CAPN9: variants seen among roughly 807,000 people sequenced by gnomAD.
CAPN9 encodes the protein calpain-9.
A neutral mutation model predicts 92.8 loss-of-function variants in CAPN9; 81 were observed. The observed-to-expected ratio is 0.87, with a 90% CI of 0.73 to 1.05. The LOEUF (loss-of-function observed/expected upper bound fraction) is 1.05. Among genes scored for constraint, CAPN9 ranks in the 50% least tolerant of loss-of-function variants. CAPN9 has a pLI of 0.00. For missense variants in CAPN9, 848 were observed against 866.2 expected (o/e 0.98, Z 0.26); for synonymous variants, 304 against 328.0 (o/e 0.93, Z 0.79).
intron 4 of CAPN9, among the ~76,000 whole-genome samples, chr1:230,763,225 C>G (rs982470476): frequency 1.3e-5 from 2 of 152,096 alleles, no homozygotes; most frequent in Non-Finnish European, 2.9e-5. Flanking sequence ...TATGACATAT[C>G]GATAAATAAT....
At chr1:230,781,032 AT>A (rs577951761) in intron 11 of CAPN9, among the ~76,000 whole-genome samples, 19 of 151,394 alleles carry the variant, frequency 1.3e-4, no homozygotes, top group African/African-American at 4.4e-4. Context: ...CACCTGGCTA[AT>A]TTTTTTTGTA....
At chr1:230,801,525 A>T in intron 19 of CAPN9, 45 bp from the exon 20 acceptor site, 1 of 1,601,564 alleles carries the variant, frequency 6.2e-7, no homozygotes, top group Non-Finnish European at 8.6e-7. Flanking sequence ...GCTGGAAGGG[A>T]CATGGAAGGA....
Position 230,779,024 on chromosome 1 carries a change from C to T in CAPN9, c.1005C>T (p.Asn335=). Residue 335 remains asparagine (N), a synonymous_variant, in exon 9 of 20, where the codon AAC becomes AAT. Coordinates refer to ENST00000271971, the MANE Select transcript of CAPN9 (RefSeq NM_006615.3). ...ACTTTGATAAAGTGGAGATCTGCAACCTCACTCCCGATGCCCTGGAGGAAG... is the reference window on the plus strand; with the variant it reads ...ACTTTGATAAAGTGGAGATCTGCAATCTCACTCCCGATGCCCTGGAGGAAG... The part of the protein sequence containing the change: ...KAHFDKVEIC[N]LTPDALEEDA... The T allele has an allele frequency of 1.2e-6, 2 of 1,613,022 alleles. No individual in the cohort carries two copies.
rs967896567 is a variant in CAPN9 at position 230,762,688 on chromosome 1, C to G, written c.438C>G (p.Ile146Met). The part of the protein sequence containing the change: ...WQHSEWLDVV[I>M]DDRLPTFRDR... Reference sequence around the variant, plus strand: ...ACAGTGAGTGGCTGGACGTGGTGATCGATGACCGCCTGCCCACCTTCAGGG... The same window carrying G: ...ACAGTGAGTGGCTGGACGTGGTGATGGATGACCGCCTGCCCACCTTCAGGG... The change falls in exon 4 of 20, where the codon ATC (isoleucine) becomes ATG (methionine). Residue 146 changes from isoleucine to methionine, a missense_variant. Transcript: ENST00000271971. 1 of 1,614,108 alleles carries G rather than the reference C, an allele frequency of 6.2e-7. No individual in the cohort carries two copies.
intron 1 of CAPN9, among the ~76,000 whole-genome samples, chr1:230,752,472 A>C (rs1031595918): frequency 2.8e-4 from 43 of 152,220 alleles, no homozygotes; most frequent in Non-Finnish European, 5.3e-4. Flanking sequence ...CTGGTTTAAA[A>C]CAAAAACAAA....
chr1:230,762,775 A>C lies in CAPN9; in HGVS notation c.525A>C (p.Lys175Asn). Reference sequence around the variant, plus strand: ...AGTTCTGGAGCGCCTTGCTGGAAAAAGCCTACGCCAAGTGAGTGACAGCTT... The same window carrying C: ...AGTTCTGGAGCGCCTTGCTGGAAAACGCCTACGCCAAGTGAGTGACAGCTT... ...HNEFWSALLE[K>N]AYAKLNGSYE... Residue 175 changes from lysine (K) to asparagine (N), a missense_variant, in exon 4 of 20, where the codon AAA becomes AAC. By Grantham distance (94) the Lys-to-Asn change is moderately conservative. Transcript: ENST00000271971. The C allele has an allele frequency of 1.9e-6, 3 of 1,613,884 alleles. No individual in the cohort carries two copies. Among genetic ancestry groups the C allele is most frequent in the Non-Finnish European group, 2.5e-6 (3 of 1,179,892 alleles).
intron 8 of CAPN9, among the ~76,000 whole-genome samples, chr1:230,775,633 A>G (rs1666704957): frequency 6.6e-6 from 1 of 152,032 alleles, no homozygotes; most frequent in East Asian, 1.9e-4. Flanking sequence ...TTTAAAATAC[A>G]ACAGCAGGGC....
In CAPN9 at chr1:230,767,527, T is replaced by C; in HGVS notation, c.537-14T>C. The C allele has an allele frequency of 6.3e-7, 1 of 1,599,074 alleles. No individual in the cohort carries two copies. Among genetic ancestry groups the C allele is most frequent in the Non-Finnish European group, 8.5e-7 (1 of 1,173,634 alleles). ...GTCCCTGACTCTCTCCTCTCTCTCTTGCCACCCTTGCAGGCTAAATGGGAG... is the reference window on the plus strand; with the variant it reads ...GTCCCTGACTCTCTCCTCTCTCTCTCGCCACCCTTGCAGGCTAAATGGGAG... On this transcript the variant is annotated splice_polypyrimidine_tract_variant and intron_variant, in intron 4 of 19. Coordinates refer to ENST00000271971, the MANE Select transcript of CAPN9 (RefSeq NM_006615.3).
Position 230,772,076 on chromosome 1 carries a change from G to A in CAPN9, c.852G>A (p.Glu284=), listed in dbSNP as rs1371878305. The A allele has an allele frequency of 1.9e-6, 3 of 1,614,136 alleles. No homozygotes were observed. In the African/African-American group the frequency reaches 4.0e-5, roughly 22 times the overall value. ...TCCGGAACCCTTGGGGCCAGGTTGA[G>A]TGGAACGGGTCGTGGAGCGACAGGT... The part of the protein sequence containing the change: ...IRIRNPWGQV[E]WNGSWSDSSP... The change falls in exon 7 of 20, where the codon GAG becomes GAA. Residue 284 remains glutamate (E), a synonymous_variant. Transcript: ENST00000271971.
intron 3 of CAPN9, among the ~76,000 whole-genome samples, chr1:230,760,927 A>T (rs567117944): frequency 6.6e-6 from 1 of 152,226 alleles, no homozygotes. Context: ...TTGGGCTCCC[A>T]AAAGGAACAG....
At chr1:230,761,400 C>T (rs1162270413) in intron 3 of CAPN9, among the ~76,000 whole-genome samples, 1 of 152,176 alleles carries the variant, frequency 6.6e-6, no homozygotes, top group Non-Finnish European at 1.5e-5. Flanking sequence ...CTCCTCCCCA[C>T]TGCTCCCCTG....
chr1:230,795,808 C>A (rs1210803005), intron 18 of CAPN9, among the ~76,000 whole-genome samples: 2 of 152,110 alleles, frequency 1.3e-5, no homozygotes, highest in Non-Finnish European at 2.9e-5. Flanking sequence ...ATGTCCAGGG[C>A]CTGTAACTCA....
rs199650002 is a variant in CAPN9, at chr1:230,755,433, G to A, written c.283+27G>A. On this transcript the variant is annotated intron_variant, in intron 2 of 19. Coordinates refer to ENST00000271971, the MANE Select transcript of CAPN9 (RefSeq NM_006615.3). Reference sequence around the variant, plus strand: ...TGAGTGTAAGTGGATGGAGCATGGCGAGAGGGAGGTTGAGTCACTGGGACA... The same window carrying A: ...TGAGTGTAAGTGGATGGAGCATGGCAAGAGGGAGGTTGAGTCACTGGGACA... 7.4e-4 allele frequency: 1,167 copies of A among 1,568,456 alleles called. 2 individuals carry two copies. Among genetic ancestry groups the A allele is most frequent in the Non-Finnish European group, 7.6e-4 (875 of 1,152,044 alleles).
At chr1:230,762,359 G>T (rs974971814) in intron 3 of CAPN9, among the ~76,000 whole-genome samples, 1 of 152,212 alleles carries the variant, frequency 6.6e-6, no homozygotes, top group African/African-American at 2.4e-5. Context: ...TCAGAGCACC[G>T]TAGAGTGTCT....
rs570738654 is a variant in CAPN9, at chr1:230,787,573, C to T, written c.1570C>T (p.Arg524Trp). 4.7e-5 allele frequency: 76 copies of T among 1,614,080 alleles called. No individual in the cohort carries two copies. The South Asian group carries it at 4.9e-4, about 10-fold the overall frequency. Residue 524 changes from arginine (R) to tryptophan (W), a missense_variant, in exon 13 of 20, where the codon CGG becomes TGG. Transcript: ENST00000271971. ...GGAGACAGAGGAGGAGCAGCGGTTT[C>T]GGGCTCTGTTTGAACAAGTCGCTGG... is the stretch of plus-strand genomic sequence containing the variant. ...DQETEEEQRF[R>W]ALFEQVAGED...
In CAPN9 at chr1:230,769,228, A is replaced by G; in HGVS notation, c.754A>G (p.Lys252Glu). Residue 252 changes from lysine to glutamate, a missense_variant, in exon 6 of 20, where the codon AAG (lysine) becomes GAG (glutamate). Transcript: ENST00000271971. ...SEARTPFGLI[K>E]GHAYSVTGID... ...GGCCCGGACGCCGTTTGGTCTTATTAAGGGTCATGCCTACAGTGTAACGGG... is the reference window on the plus strand; with the variant it reads ...GGCCCGGACGCCGTTTGGTCTTATTGAGGGTCATGCCTACAGTGTAACGGG... 1 of 1,614,178 alleles carries G rather than the reference A, an allele frequency of 6.2e-7. No individual in the cohort carries two copies. Among genetic ancestry groups the G allele is most frequent in the South Asian group, 1.1e-5 (1 of 91,080 alleles).
At chr1:230,779,869 A>G (rs1195434252) in intron 9 of CAPN9, among the ~76,000 whole-genome samples, 2 of 152,200 alleles carry the variant, frequency 1.3e-5, no homozygotes, top group Non-Finnish European at 2.9e-5. Context: ...AAAAACTGAT[A>G]GAACAAGCTT....
chr1:230,801,853 C>T lies in CAPN9; in HGVS notation c.*257C>T, dbSNP rs1668742138. 3.7e-6 allele frequency: 2 copies of T among 536,438 alleles called. No individual in the cohort carries two copies. Among genetic ancestry groups the T allele is most frequent in the Admixed American group, 3.1e-5 (1 of 32,672 alleles). 33.2% of individuals were successfully genotyped at this position (536,438 alleles called of 1,614,324 possible). A position where few individuals can be genotyped will look rare whatever the true frequency, so the allele number is the denominator to read the frequency against. ...GTGCCTTACATCCAGGTTCAGGCAT[C>T]ACTAGCTTTCCCACACTCTACTTTC... is the stretch of plus-strand genomic sequence containing the variant. On this transcript the variant is annotated 3_prime_UTR_variant, in exon 20 of 20. Transcript: ENST00000271971.
intron 19 of CAPN9, among the ~76,000 whole-genome samples, chr1:230,801,075 C>G (rs1318298434): frequency 2.6e-5 from 4 of 152,140 alleles, no homozygotes; most frequent in Admixed American, 2.0e-4. Context: ...AAGGAGGAGG[C>G]AGGGTGGACT....
Sources: allele counts gnomAD v4.1 joint callset (sites outside exome capture counted in the v4.1 genomes callset), GRCh38; gene constraint gnomAD v4.1.1; transcripts MANE v1.5; gene names NCBI Gene and HGNC (gene_info 2026-07-23, HGNC 2026-07-21).